The following AKAP6 variants were observed in gnomAD, a reference collection of about 807,000 sequenced individuals.
AKAP6 encodes the protein A-kinase anchor protein 6.
A neutral mutation model predicts 188.5 loss-of-function variants in AKAP6; 58 were observed. The observed-to-expected ratio is 0.31, with a 90% CI of 0.25 to 0.38. The LOEUF is 0.38. Ranked by LOEUF, AKAP6 falls within the 10% of genes least tolerant of loss-of-function variation. AKAP6 has a pLI of 1.00. For missense variants in AKAP6, 2,710 were observed against 2,740.0 expected (o/e 0.99, Z 0.24); for synonymous variants, 989 against 998.6 (o/e 0.99, Z 0.18).
chr14:32,743,795 T>G (rs184730660), intron 11 of AKAP6, among the ~76,000 whole-genome samples: 1 of 152,228 alleles, frequency 6.6e-6, no homozygotes, highest in Admixed American at 6.5e-5. Flanking sequence ...GTCTTTCTAT[T>G]AGGATATGAG....
At chr14:32,799,462 GC>G (rs1250945697) in intron 12 of AKAP6, among the ~76,000 whole-genome samples, 7 of 8,578 alleles carry the variant, frequency 8.2e-4, no homozygotes, top group African/African-American at 2.6e-3. Flanking sequence ...TTCCCTCTAA[GC>G]TCTAAGCACT....
chr14:32,669,282 T>C (rs1889076926), intron 7 of AKAP6, among the ~76,000 whole-genome samples: 1 of 152,310 alleles, frequency 6.6e-6, no homozygotes, highest in Middle Eastern at 3.4e-3. Flanking sequence ...CCTGCTCTGA[T>C]TCTGTAGAAG....
chr14:32,759,280 T>G (rs1246214480), intron 11 of AKAP6, among the ~76,000 whole-genome samples: 2 of 152,370 alleles, frequency 1.3e-5, no homozygotes, highest in African/African-American at 4.8e-5. Context: ...GGTTTGATGT[T>G]GAATGTTCTT....
At chr14:32,548,527 AAAATAGATAGAT>A (rs888167957) in intron 4 of AKAP6, among the ~76,000 whole-genome samples, 5 of 141,354 alleles carry the variant, frequency 3.5e-5, no homozygotes, top group African/African-American at 1.3e-4. Context: ...TTCTCAAGCT[AAAATAGATAGAT>A]AGATAGATAG....
At chr14:32,402,835 T>C (rs1566484689) in intron 1 of AKAP6, among the ~76,000 whole-genome samples, 1 of 152,074 alleles carries the variant, frequency 6.6e-6, no homozygotes, top group South Asian at 2.1e-4. Flanking sequence ...GCTCCAGCGA[T>C]TCTCTTGCCT....
chr14:32,593,011 AACAC>A (rs60277036), intron 5 of AKAP6, among the ~76,000 whole-genome samples: 15,140 of 123,642 alleles, frequency 0.12, 979 homozygotes, highest in Admixed American at 0.15. Flanking sequence ...CCCCCACCCC[AACAC>A]ACACACACAC....
chr14:32,707,406 T>C (rs1890853289), intron 9 of AKAP6, among the ~76,000 whole-genome samples: 1 of 152,110 alleles, frequency 6.6e-6, no homozygotes, highest in Non-Finnish European at 1.5e-5. Context: ...CTTTTAGTAC[T>C]CAAAAGTGCC....
At chr14:32,721,122 G>A (rs1264224964) in intron 9 of AKAP6, among the ~76,000 whole-genome samples, 7 of 152,104 alleles carry the variant, frequency 4.6e-5, no homozygotes, top group Admixed American at 2.0e-4. Flanking sequence ...CAACAGCCCT[G>A]ATATGGTGCA....
chr14:32,722,223 CT>C (rs768761570), intron 9 of AKAP6, among the ~76,000 whole-genome samples: 41 of 152,002 alleles, frequency 2.7e-4, no homozygotes, highest in African/African-American at 7.0e-4. Context: ...TACTGAAGTG[CT>C]TTTTTTTGGA....
At chr14:32,482,989 G>GTATA (rs199759517) in intron 2 of AKAP6, among the ~76,000 whole-genome samples, 15 of 84,364 alleles carry the variant, frequency 1.8e-4, no homozygotes, top group Admixed American at 1.5e-3. Context: ...GTGTGTGTGT[G>GTATA]TATATATATA....
At chr14:32,353,412 T>C (rs1173529984) in intron 1 of AKAP6, among the ~76,000 whole-genome samples, 3 of 151,888 alleles carry the variant, frequency 2.0e-5, no homozygotes, top group African/African-American at 7.3e-5. Flanking sequence ...ATACAAAAAA[T>C]TAGCTGGGTG....
chr14:32,656,460 A>G lies in AKAP6; in HGVS notation c.2731-21851A>G, dbSNP rs564839837. Among the ~76,000 whole-genome samples the G allele has an allele frequency of 6.6e-5, 10 of 152,284 alleles. No homozygotes were observed. The East Asian group carries it at 1.9e-3, about 29-fold the overall frequency. On this transcript the variant is annotated intron_variant, in intron 7 of 13. Transcript: ENST00000280979. ...TAGCAGTTCTCCAGATTTACTCTGA[A>G]TAAGCATCACCTGGGAGTGCCAGCC...
intron 7 of AKAP6, among the ~76,000 whole-genome samples, chr14:32,637,174 C>G (rs530308456): frequency 1.3e-5 from 2 of 152,156 alleles, no homozygotes; most frequent in Admixed American, 6.5e-5. Context: ...AACATAGGGC[C>G]TAGTACGTAG....
intron 2 of AKAP6, among the ~76,000 whole-genome samples, chr14:32,481,974 C>G (rs1283194598): frequency 6.6e-6 from 1 of 152,098 alleles, no homozygotes; most frequent in Non-Finnish European, 1.5e-5. Flanking sequence ...ATTCTGGCTC[C>G]TTTGTTCCAT....
At chr14:32,689,248 A>C (rs1890063265) in intron 8 of AKAP6, among the ~76,000 whole-genome samples, 1 of 146,372 alleles carries the variant, frequency 6.8e-6, no homozygotes, top group South Asian at 2.2e-4. Flanking sequence ...CTCTAAATAC[A>C]CCCAGAAATC....
At chr14:32,570,303 G>A in intron 4 of AKAP6, among the ~76,000 whole-genome samples, 1 of 71,044 alleles carries the variant, frequency 1.4e-5, no homozygotes, top group South Asian at 5.3e-4. Flanking sequence ...GCTGATTTTT[G>A]TATTTTTTCT....
At position 32,734,202 on chromosome 14, in the gene AKAP6, T is replaced by C. The variant is rs550974109; in HGVS notation, c.3148-1456T>C. On this transcript the variant is annotated intron_variant, in intron 10 of 13. Transcript: ENST00000280979. ...AACACCACCAGGCATACTGTTTTAA[T>C]TGGCATGATTACATTTTAATTGGCA... is the stretch of plus-strand genomic sequence containing the variant. 10 of 152,192 alleles carry C rather than the reference T, an allele frequency of 6.6e-5. No homozygotes were observed. The South Asian group carries it at 2.1e-3, about 32-fold the overall frequency. The allele number at this position is 152,192 out of a possible 1,614,324, so 9.4% of individuals were successfully genotyped here.
chr14:32,711,902 G>A (rs2029890591), intron 9 of AKAP6, among the ~76,000 whole-genome samples: 1 of 151,804 alleles, frequency 6.6e-6, no homozygotes, highest in African/African-American at 2.4e-5. Context: ...TGAGGGGGGT[G>A]GACTCAGTGT....
chr14:32,391,339 T>G (rs1888708045), intron 1 of AKAP6, among the ~76,000 whole-genome samples: 1 of 152,156 alleles, frequency 6.6e-6, no homozygotes, highest in Non-Finnish European at 1.5e-5. Flanking sequence ...AGTCTTCAGC[T>G]TTTTCCCCTC....
Sources: gnomAD v4.1 joint callset for allele counts (sites outside exome capture counted in the v4.1 genomes callset) on GRCh38, gnomAD v4.1.1 for gene constraint, MANE v1.5 for transcripts, NCBI Gene and HGNC (gene_info 2026-07-23, HGNC 2026-07-21) for gene names.